Variants in FGF14 observed in about 807,000 individuals in gnomAD.
FGF14 encodes fibroblast growth factor 14.
In FGF14, 5 loss-of-function variants were observed where a neutral mutation model predicts 25.5. The observed-to-expected ratio is 0.20, with a 90% CI of 0.10 to 0.41. The LOEUF (loss-of-function observed/expected upper bound fraction) is 0.41. Ranked by LOEUF, FGF14 falls within the 10% of genes least tolerant of loss-of-function variation. The pLI, the probability that FGF14 is intolerant of heterozygous loss-of-function variation, is 1.00. For synonymous variants in FGF14, 138 were observed against 118.3 expected (o/e 1.17, Z -1.08); for missense variants, 222 against 320.1 (o/e 0.69, Z 2.34).
At chr13:102,190,107 A>G (rs1028349597) in intron 1 of FGF14, among the ~76,000 whole-genome samples, 1 of 152,294 alleles carries the variant, frequency 6.6e-6, no homozygotes, top group South Asian at 2.1e-4. Flanking sequence ...TGGTCATCCA[A>G]TGGATTTCAC....
intron 1 of FGF14, among the ~76,000 whole-genome samples, chr13:102,207,021 C>A (rs1460296236): frequency 6.6e-6 from 1 of 152,070 alleles, no homozygotes; most frequent in Admixed American, 6.5e-5. Context: ...ATGGCTCATA[C>A]CTGTAATCCC....
chr13:102,213,881 C>T (rs2050260443), intron 1 of FGF14, among the ~76,000 whole-genome samples: 1 of 152,162 alleles, frequency 6.6e-6, no homozygotes, highest in African/African-American at 2.4e-5. Flanking sequence ...AACTAGGAGA[C>T]AGCTCAGTCT....
At chr13:102,167,772 A>T (rs1167313615) in intron 1 of FGF14, among the ~76,000 whole-genome samples, 2 of 150,498 alleles carry the variant, frequency 1.3e-5, no homozygotes, top group African/African-American at 4.9e-5. Context: ...TCATTAAGAT[A>T]TTAGAAACTG....
chr13:101,724,231 A>C (rs1458739520), intron 4 of FGF14, among the ~76,000 whole-genome samples: 1 of 152,082 alleles, frequency 6.6e-6, no homozygotes, highest in Non-Finnish European at 1.5e-5. Flanking sequence ...AGACTGGATT[A>C]AGCAAATGTG....
intron 1 of FGF14, among the ~76,000 whole-genome samples, chr13:102,000,790 G>C (rs2139731522): frequency 6.6e-6 from 1 of 152,250 alleles, no homozygotes; most frequent in Non-Finnish European, 1.5e-5. Context: ...GATCTCAAAG[G>C]GAACTAATGC....
chr13:101,951,612 C>T (rs553887934), intron 1 of FGF14, among the ~76,000 whole-genome samples: 2 of 152,196 alleles, frequency 1.3e-5, no homozygotes, highest in African/African-American at 4.8e-5. Flanking sequence ...CATTATTTGT[C>T]TTGTTTATGA....
intron 1 of FGF14, among the ~76,000 whole-genome samples, chr13:101,877,204 T>A (rs1213205783): frequency 2.0e-5 from 3 of 152,172 alleles, no homozygotes; most frequent in Non-Finnish European, 4.4e-5. Context: ...TTATGCCTCA[T>A]TTTGGGTGAG....
chr13:102,178,922 T>C (rs1566786832), intron 1 of FGF14, among the ~76,000 whole-genome samples: 2 of 152,120 alleles, frequency 1.3e-5, no homozygotes, highest in East Asian at 3.9e-4. Flanking sequence ...TGGAGCTATA[T>C]ACATCCATTG....
chr13:101,858,837 C>T (rs1035142870), intron 3 of FGF14, among the ~76,000 whole-genome samples: 2 of 152,022 alleles, frequency 1.3e-5, no homozygotes, highest in South Asian at 4.1e-4. Flanking sequence ...ATTATTAATG[C>T]TCTTGCTTTA....
intron 1 of FGF14, among the ~76,000 whole-genome samples, chr13:101,927,829 C>T (rs531738829): frequency 6.6e-6 from 1 of 152,272 alleles, no homozygotes; most frequent in East Asian, 1.9e-4. Context: ...CTCCCCAGAG[C>T]CTGGAGCAGT....
Position 102,382,950 on chromosome 13 carries a change from G to A in FGF14, c.208+18521C>T, listed in dbSNP as rs1386881397. 2.0e-5 allele frequency among the ~76,000 whole-genome samples: 3 copies of A among 152,018 alleles called. No homozygotes were observed. The East Asian group carries it at 5.8e-4, about 29-fold the overall frequency. On this transcript the variant is annotated intron_variant, in intron 1 of 4. Coordinates refer to the FGF14 transcript ENST00000376131. Reference sequence around the variant, plus strand: ...GTGGTTGCCAGGGGATAGGGAATGGGGAAATAGAGAGTTACTGCTAATAGG... The same window carrying A: ...GTGGTTGCCAGGGGATAGGGAATGGAGAAATAGAGAGTTACTGCTAATAGG...
chr13:101,871,126 C>A (rs1269676099), intron 2 of FGF14, among the ~76,000 whole-genome samples: 1 of 152,010 alleles, frequency 6.6e-6, no homozygotes, highest in Non-Finnish European at 1.5e-5. Flanking sequence ...AACACAGATA[C>A]CCACATTAAT....
intron 1 of FGF14, among the ~76,000 whole-genome samples, chr13:102,116,385 T>C (rs2045471939): frequency 6.6e-6 from 1 of 152,150 alleles, no homozygotes; most frequent in Non-Finnish European, 1.5e-5. Context: ...AGTGTGTGTG[T>C]GCATGTGTAT....
chr13:102,141,148 C>T (rs1220578787), intron 1 of FGF14, among the ~76,000 whole-genome samples: 3 of 152,108 alleles, frequency 2.0e-5, no homozygotes, highest in Non-Finnish European at 4.4e-5. Context: ...TTCAGAAATC[C>T]CAGGGGAGGA....
At chr13:102,003,665 CT>C (rs111575262) in intron 1 of FGF14, among the ~76,000 whole-genome samples, 1,984 of 134,508 alleles carry the variant, frequency 0.015, 15 homozygotes, top group Non-Finnish European at 0.021. Flanking sequence ...AAGGGGTTAG[CT>C]TTTTTTTTTT....
chr13:101,904,430 A>T (rs1214316427), intron 1 of FGF14, among the ~76,000 whole-genome samples: 1 of 152,240 alleles, frequency 6.6e-6, no homozygotes, highest in Non-Finnish European at 1.5e-5. Context: ...AGAAAATTTA[A>T]AAAAGAGAAG....
At chr13:101,844,341 C>T (rs1460908550) in intron 3 of FGF14, among the ~76,000 whole-genome samples, 2 of 152,120 alleles carry the variant, frequency 1.3e-5, no homozygotes, top group East Asian at 3.9e-4. Context: ...CCTCACAAGA[C>T]ACCATTCCTT....
At chr13:101,925,628 G>A (rs889546876) in intron 1 of FGF14, among the ~76,000 whole-genome samples, 2 of 152,172 alleles carry the variant, frequency 1.3e-5, no homozygotes, top group Non-Finnish European at 2.9e-5. Context: ...TTAAATTAAT[G>A]CCTTATTCCT....
intron 1 of FGF14, among the ~76,000 whole-genome samples, chr13:102,159,997 T>C (rs534055297): frequency 1.3e-5 from 2 of 152,266 alleles, no homozygotes; most frequent in Non-Finnish European, 2.9e-5. Context: ...TTGTGAAAAC[T>C]TAGTATAGGT....
Sources: gnomAD v4.1 joint callset for allele counts (sites outside exome capture counted in the v4.1 genomes callset) on GRCh38, gnomAD v4.1.1 for gene constraint, MANE v1.5 for transcripts, NCBI Gene and HGNC (gene_info 2026-07-23, HGNC 2026-07-21) for gene names.